The following SCARA3 variants were observed in gnomAD, a reference collection of about 807,000 sequenced individuals.
SCARA3 encodes the protein scavenger receptor class A member 3, also known as cellular stress response gene protein.
SCARA3 carries 39 observed loss-of-function variants against 47.0 expected under a neutral mutation model. The observed-to-expected ratio is 0.83, with a 90% CI of 0.64 to 1.08. SCARA3 has a LOEUF of 1.08. SCARA3 is among the 50% of genes least tolerant of loss of function. The pLI is 0.00. For synonymous variants in SCARA3, 356 were observed against 334.1 expected (o/e 1.07, Z -0.71); for missense variants, 724 against 792.3 (o/e 0.91, Z 1.04).
At chr8:27,682,006 A>G in the SCARA3 span, among the ~76,000 whole-genome samples, 2 of 152,222 alleles carry the variant, frequency 1.3e-5, no homozygotes, top group Non-Finnish European at 2.9e-5. Flanking sequence ...TGAAAAAAAA[A>G]GAACCAATTT....
the SCARA3 span, among the ~76,000 whole-genome samples, chr8:27,711,131 A>G: frequency 6.6e-6 from 1 of 152,158 alleles, no homozygotes; most frequent in Non-Finnish European, 1.5e-5. Flanking sequence ...CATGTTGGTC[A>G]GGCTGGTCTC....
the SCARA3 span, among the ~76,000 whole-genome samples, chr8:27,722,591 C>T: frequency 6.6e-6 from 1 of 152,220 alleles, no homozygotes. Flanking sequence ...GGCCATTGGC[C>T]TCAGACCCAT....
At chr8:27,635,576 G>A (rs1801232083) in intron 1 of SCARA3, among the ~76,000 whole-genome samples, 1 of 151,944 alleles carries the variant, frequency 6.6e-6, no homozygotes, top group African/African-American at 2.4e-5. Context: ...AGCCTCTCAT[G>A]TAGCTGGTAC....
At chr8:27,664,044 A>G (rs1015755080) in intron 5 of SCARA3, among the ~76,000 whole-genome samples, 3 of 152,186 alleles carry the variant, frequency 2.0e-5, no homozygotes, top group South Asian at 4.1e-4. Context: ...CTTAGAAGGG[A>G]TATCTGTCTC....
intron 3 of SCARA3, 22 bp downstream of exon 3, chr8:27,651,649 C>A: frequency 6.2e-7 from 1 of 1,612,560 alleles, no homozygotes; most frequent in Non-Finnish European, 8.5e-7. Context: ...GCTTTCCCAC[C>A]CCGGGCTGCA....
At chr8:27,699,436 C>T in the SCARA3 span, among the ~76,000 whole-genome samples, 1 of 151,990 alleles carries the variant, frequency 6.6e-6, no homozygotes, top group Non-Finnish European at 1.5e-5. Flanking sequence ...ACCTCCTGGG[C>T]TCAAGTGACC....
In SCARA3 at chr8:27,671,584, ACATACACG is replaced by A. The variant is rs530514005; in HGVS notation, c.*236_*243del. ...CACACATGCATGCACACACATGCAC[ACATACACG>A]CACATGCACACATACACATGCATGC... On this transcript the variant is annotated 3_prime_UTR_variant, in exon 6 of 6. Transcript: ENST00000301904. 1.6e-4 allele frequency: 197 copies of A among 1,255,382 alleles called. 1 individual carries two copies. The African/African-American group carries it at 2.7e-3, about 17-fold the overall frequency. 77.8% of individuals were successfully genotyped at this position (1,255,382 alleles called of 1,614,324 possible).
Position 27,660,561 on chromosome 8 carries a change from A to AG in SCARA3, c.1369+1022_1369+1023insG, listed in dbSNP as rs1554539785. Among the ~76,000 whole-genome samples, 909 of 142,496 alleles carry AG rather than the reference A, an allele frequency of 6.4e-3. 12 individuals carry two copies. Among genetic ancestry groups the AG allele is most frequent in the African/African-American group, 0.025 (865 of 34,564 alleles). The allele number at this position is 142,496 out of a possible 152,430, so 93.5% of individuals were successfully genotyped here. On this transcript the variant is annotated intron_variant, in intron 5 of 5. Transcript: ENST00000301904. ...TAGATAGATAGATAGATAGATAGAT[A>AG]ATAGATAGATAGATGATAGATAGAT...
the SCARA3 span, among the ~76,000 whole-genome samples, chr8:27,683,819 G>A: frequency 6.7e-6 from 1 of 148,294 alleles, no homozygotes; most frequent in Non-Finnish European, 1.5e-5. Flanking sequence ...GAAGAAAGAG[G>A]AGGAGGAGAA....
the SCARA3 span, among the ~76,000 whole-genome samples, chr8:27,708,167 G>C: frequency 6.6e-6 from 1 of 152,180 alleles, no homozygotes; most frequent in Non-Finnish European, 1.5e-5. Flanking sequence ...GTCCAAACTG[G>C]AGAAGAATAG....
chr8:27,724,851 A>G, the SCARA3 span, among the ~76,000 whole-genome samples: 1 of 152,266 alleles, frequency 6.6e-6, no homozygotes, highest in Non-Finnish European at 1.5e-5. Context: ...ATTATGTTCA[A>G]GGAAATAATG....
In SCARA3 at chr8:27,633,910, C is replaced by A; in HGVS notation, c.-291C>A. 1 of 157,286 alleles carries A rather than the reference C, an allele frequency of 6.4e-6. No homozygotes were observed. Among genetic ancestry groups the A allele is most frequent in the Non-Finnish European group, 1.4e-5 (1 of 71,524 alleles). 9.7% of individuals were successfully genotyped at this position (157,286 alleles called of 1,614,324 possible). ...GGGCGAGGGGCGGCGGCAGACCTCGCGGGGCCCCAGCGGGAAGCGCGGGCG... is the reference window on the plus strand; with the variant it reads ...GGGCGAGGGGCGGCGGCAGACCTCGAGGGGCCCCAGCGGGAAGCGCGGGCG... On this transcript the variant is annotated 5_prime_UTR_variant, in exon 1 of 6. Transcript: ENST00000301904.
At chr8:27,685,507 G>A in the SCARA3 span, among the ~76,000 whole-genome samples, 9 of 152,216 alleles carry the variant, frequency 5.9e-5, no homozygotes, top group African/African-American at 1.9e-4. Context: ...TACCTAAATA[G>A]ATGCAGAAAG....
At chr8:27,657,506 A>C (rs1204183276) in intron 4 of SCARA3, among the ~76,000 whole-genome samples, 1 of 122,532 alleles carries the variant, frequency 8.2e-6, no homozygotes, top group Non-Finnish European at 1.7e-5. Flanking sequence ...ACTGAAGTCT[A>C]TTGTTGCCAT....
chr8:27,659,730 C>T (rs1801850920), intron 5 of SCARA3, among the ~76,000 whole-genome samples, 191 bp downstream of exon 5: 1 of 151,738 alleles, frequency 6.6e-6, no homozygotes, highest in South Asian at 2.1e-4. Flanking sequence ...TGTACCTATA[C>T]TCCTAGCTGC....
At chr8:27,701,453 T>C in the SCARA3 span, 1 of 152,114 alleles carries the variant, frequency 6.6e-6, no homozygotes. Context: ...TTTTAAAATG[T>C]TCTCGTAGCT....
the SCARA3 span, among the ~76,000 whole-genome samples, chr8:27,686,855 G>A: frequency 1.3e-5 from 2 of 152,152 alleles, no homozygotes; most frequent in East Asian, 1.9e-4. Flanking sequence ...GTAGGTAAAC[G>A]TGTGCCATGG....
the SCARA3 span, among the ~76,000 whole-genome samples, chr8:27,727,061 C>T: frequency 5.3e-5 from 8 of 152,164 alleles, no homozygotes; most frequent in Non-Finnish European, 1.0e-4. Flanking sequence ...CAGGCGTAAG[C>T]CACCGCGCCC....
chr8:27,640,882 A>T (rs495153), intron 1 of SCARA3, among the ~76,000 whole-genome samples: 1 of 152,052 alleles, frequency 6.6e-6, no homozygotes, highest in Admixed American at 6.5e-5. Flanking sequence ...TTTTTTGTAG[A>T]GATGAGGTTT....
Sources: allele counts gnomAD v4.1 joint callset (sites outside exome capture counted in the v4.1 genomes callset), GRCh38; gene constraint gnomAD v4.1.1; transcripts MANE v1.5; gene names NCBI Gene and HGNC (gene_info 2026-07-23, HGNC 2026-07-21).